Variants in UNC13C observed in about 807,000 individuals in gnomAD.
UNC13C encodes protein unc-13 homolog C.
A neutral mutation model predicts 245.4 loss-of-function variants in UNC13C; 174 were observed. That is an observed-to-expected ratio of 0.71 (90% confidence interval 0.63 to 0.80). The LOEUF (loss-of-function observed/expected upper bound fraction) is 0.80, where lower values mean the gene tolerates loss of function less well. Among genes scored for constraint, UNC13C ranks in the 30% least tolerant of loss-of-function variants. UNC13C has a pLI of 0.00. For synonymous variants in UNC13C, 992 were observed against 895.1 expected, an observed-to-expected ratio of 1.11 and a Z score of -1.93; for missense variants, 2,829 against 2,602.9, an observed-to-expected ratio of 1.09 and a Z score of -1.89.
At chr15:54,346,681 G>A (rs2038866528) in intron 17 of UNC13C, among the ~76,000 whole-genome samples, 1 of 152,206 alleles carries the variant, frequency 6.6e-6, no homozygotes, top group Non-Finnish European at 1.5e-5. Flanking sequence ...TCCGGAGGCT[G>A]GCTCTGCACT....
chr15:53,874,436 C>T, the UNC13C span, among the ~76,000 whole-genome samples: 3 of 152,172 alleles, frequency 2.0e-5, no homozygotes, highest in South Asian at 2.1e-4. Flanking sequence ...ACTTCTATCC[C>T]CAAGGTGTTT....
chr15:54,366,502 C>T (rs2039369174), intron 17 of UNC13C, among the ~76,000 whole-genome samples: 4 of 152,158 alleles, frequency 2.6e-5, no homozygotes, highest in South Asian at 2.1e-4. Context: ...ATACATCCAT[C>T]GATATGTAGT....
intron 2 of UNC13C, among the ~76,000 whole-genome samples, chr15:54,080,707 T>G (rs981302276): frequency 6.6e-6 from 1 of 152,124 alleles, no homozygotes; most frequent in Non-Finnish European, 1.5e-5. Flanking sequence ...GAATCTTCTC[T>G]CTTTTTCTTG....
chr15:53,888,131 T>A, the UNC13C span, among the ~76,000 whole-genome samples: 12 of 152,238 alleles, frequency 7.9e-5, no homozygotes, highest in African/African-American at 2.9e-4. Context: ...ATCACTGCAC[T>A]GTCTTCCACA....
At chr15:54,327,943 G>T (rs1567190316) in intron 14 of UNC13C, among the ~76,000 whole-genome samples, 1 of 152,056 alleles carries the variant, frequency 6.6e-6, no homozygotes, top group African/African-American at 2.4e-5. Flanking sequence ...ATTTCCATGT[G>T]AAGGGGCAGA....
the UNC13C span, among the ~76,000 whole-genome samples, chr15:53,895,500 A>G: frequency 1.3e-5 from 2 of 152,078 alleles, no homozygotes; most frequent in Non-Finnish European, 2.9e-5. Context: ...TAAAATAAAA[A>G]CATATATTTT....
At chr15:53,879,304 G>A in the UNC13C span, among the ~76,000 whole-genome samples, 1 of 152,028 alleles carries the variant, frequency 6.6e-6, no homozygotes, top group Non-Finnish European at 1.5e-5. Context: ...TGGGACTACA[G>A]GCACACACCA....
chr15:54,612,744 T>C (rs1900186572), intron 30 of UNC13C, among the ~76,000 whole-genome samples: 2 of 151,972 alleles, frequency 1.3e-5, no homozygotes, highest in South Asian at 2.1e-4. Context: ...AAAAATCACA[T>C]TTTAAAGCTA....
chr15:53,906,676 T>G, the UNC13C span, among the ~76,000 whole-genome samples: 4 of 152,172 alleles, frequency 2.6e-5, no homozygotes, highest in Non-Finnish European at 5.9e-5. Context: ...TGTCAATTCT[T>G]TCAGATGGCC....
At position 53,990,440 on chromosome 15, in the gene UNC13C, C is replaced by T. The variant is rs1044518649; in HGVS notation, c.-257+11513C>T. 3.9e-5 allele frequency among the ~76,000 whole-genome samples: 6 copies of T among 152,014 alleles called. 1 individual carries two copies. The highest frequency in any genetic ancestry group is 3.9e-4 in the Admixed American group (6 of 15,242). ...TGCTAGCCAAGAAATTGGTGATGCA[C>T]CTCTAGCTTCAATTGACCTATTTGT... is the stretch of plus-strand genomic sequence containing the variant. On this transcript the variant is annotated intron_variant, in intron 1 of 32. Transcript: ENST00000260323.
rs751487192 is a variant in UNC13C at position 54,555,522 on chromosome 15, T to A, written c.5958+10T>A. ...CCTGGCTACCATCAAGGTGAGATTA[T>A]AATGCTCCTATATATACATCGAGAG... On this transcript the variant is annotated intron_variant, in intron 29 of 32. Coordinates refer to ENST00000260323, the MANE Select transcript of UNC13C (RefSeq NM_001080534.3). 1.0e-4 allele frequency: 166 copies of A among 1,605,696 alleles called. 1 individual carries two copies. The highest frequency in any genetic ancestry group is 9.2e-5 in the Non-Finnish European group (108 of 1,174,088).
intron 2 of UNC13C, among the ~76,000 whole-genome samples, chr15:54,113,749 C>T (rs1567023804): frequency 6.6e-6 from 1 of 152,128 alleles, no homozygotes; most frequent in African/African-American, 2.4e-5. Flanking sequence ...TTGCTTGAAC[C>T]TGGAAGGCAG....
At chr15:54,369,198 C>A (rs12593034) in intron 17 of UNC13C, among the ~76,000 whole-genome samples, 8 of 149,726 alleles carry the variant, frequency 5.3e-5, no homozygotes, top group Middle Eastern at 3.4e-3. Flanking sequence ...ACCTCCCCCC[C>A]CCAAAAAAAA....
intron 19 of UNC13C, among the ~76,000 whole-genome samples, chr15:54,462,231 A>C (rs567853279): frequency 3.9e-5 from 6 of 152,374 alleles, no homozygotes; most frequent in Admixed American, 3.3e-4. Context: ...TTATGAAGGG[A>C]CTATTTATAG....
chr15:54,568,010 G>A, intron 30 of UNC13C, 63 bp downstream of exon 30: 1 of 1,254,928 alleles, frequency 8.0e-7, no homozygotes, highest in South Asian at 2.2e-5. Flanking sequence ...TTTAACATCA[G>A]AATTATTATA....
chr15:54,629,360 T>C (rs1254588686), downstream of UNC13C: 1 of 152,028 alleles, frequency 6.6e-6, no homozygotes, highest in Non-Finnish European at 1.5e-5. Flanking sequence ...GACAAAATAA[T>C]CTACACCAAA....
At chr15:53,889,542 A>C in the UNC13C span, among the ~76,000 whole-genome samples, 3 of 152,118 alleles carry the variant, frequency 2.0e-5, no homozygotes, top group African/African-American at 7.2e-5. Flanking sequence ...AATACCATTT[A>C]TTTCTTTCTC....
At chr15:53,883,743 A>T in the UNC13C span, among the ~76,000 whole-genome samples, 33 of 152,210 alleles carry the variant, frequency 2.2e-4, no homozygotes, top group Non-Finnish European at 4.4e-4. Context: ...TGTTGCAGAA[A>T]TCTCAGAGGA....
At chr15:54,154,679 T>G (rs1299959121) in intron 4 of UNC13C, among the ~76,000 whole-genome samples, 1 of 152,228 alleles carries the variant, frequency 6.6e-6, no homozygotes, top group African/African-American at 2.4e-5. Flanking sequence ...ACTTTGATCT[T>G]CATAGTTGTT....
Sources: allele counts gnomAD v4.1 joint callset (sites outside exome capture counted in the v4.1 genomes callset), GRCh38; gene constraint gnomAD v4.1.1; transcripts MANE v1.5; gene names NCBI Gene and HGNC (gene_info 2026-07-23, HGNC 2026-07-21).